UVSSA: variants seen among roughly 807,000 people sequenced by gnomAD.
UVSSA encodes UV stimulated scaffold protein A.
Under a neutral mutation model 73.9 loss-of-function variants are expected in UVSSA, and 72 were observed. That is an observed-to-expected ratio of 0.97 (90% CI 0.81 to 1.19). UVSSA has a LOEUF of 1.19. UVSSA is among the 50% of genes most tolerant of loss of function. The pLI, the probability that UVSSA is intolerant of heterozygous loss-of-function variation, is 0.00. For synonymous variants in UVSSA, 454 were observed against 391.3 expected, an observed-to-expected ratio of 1.16 and a Z score of -1.89; for missense variants, 1,150 against 965.0, an observed-to-expected ratio of 1.19 and a Z score of -2.54.
intron 8 of UVSSA, among the ~76,000 whole-genome samples, chr4:1,368,891 G>A (rs547843290): frequency 3.9e-5 from 6 of 152,362 alleles, no homozygotes; most frequent in South Asian, 4.1e-4. Context: ...TCCCCACAGC[G>A]CCCTCCTCTG....
intron 12 of UVSSA, among the ~76,000 whole-genome samples, chr4:1,381,191 C>T (rs60109494): frequency 0.049 from 7,439 of 152,262 alleles, 605 homozygotes; most frequent in African/African-American, 0.17. Context: ...AGAGGATGCT[C>T]CAGCTTTAGG....
chr4:1,395,154 A>G lies in UVSSA; in HGVS notation c.*9193A>G, dbSNP rs530190912. 411 of 1,260,882 alleles carry G rather than the reference A, an allele frequency of 3.3e-4. 118 individuals carry two copies. The highest frequency in any genetic ancestry group is 3.6e-4 in the Admixed American group (17 of 46,936). 78.1% of individuals were successfully genotyped at this position (1,260,882 alleles called of 1,614,324 possible). A position where few individuals can be genotyped will look rare whatever the true frequency, so the allele number is the denominator to read the frequency against. On this transcript the variant is annotated 3_prime_UTR_variant, in exon 14 of 14. Coordinates refer to the UVSSA transcript ENST00000511216. ...AGTGCCTGCCTGCTCACACGTGCCC[A>G]TGTGGAGTGTTCGCCTGCTCACACG...
intron 2 of UVSSA, among the ~76,000 whole-genome samples, chr4:1,348,947 G>A (rs1056352488): frequency 5.9e-5 from 9 of 152,060 alleles, no homozygotes; most frequent in African/African-American, 2.4e-5. Context: ...AACAGTGTGC[G>A]TGCTGGGCGG....
chr4:1,350,777 A>C (rs1714591596), intron 3 of UVSSA, among the ~76,000 whole-genome samples: 1 of 151,772 alleles, frequency 6.6e-6, no homozygotes, highest in Non-Finnish European at 1.5e-5. Flanking sequence ...AAAAAAAAAA[A>C]AAAAAACTAC....
chr4:1,384,206 T>G, intron 13 of UVSSA: 2 of 479,292 alleles, frequency 4.2e-6, no homozygotes, highest in Non-Finnish European at 7.5e-6. Flanking sequence ...CCATCCTCGC[T>G]TCCTGGGGGA....
chr4:1,369,313 G>A (rs1430740260), intron 8 of UVSSA, among the ~76,000 whole-genome samples: 4 of 152,354 alleles, frequency 2.6e-5, no homozygotes, highest in African/African-American at 9.6e-5. Context: ...CCTCTGGGGT[G>A]CGCAGGGAGG....
At chr4:1,349,492 G>T in intron 2 of UVSSA, 32 bp from the exon 3 acceptor site, 1 of 1,599,138 alleles carries the variant, frequency 6.3e-7, no homozygotes, top group Non-Finnish European at 8.5e-7. Context: ...CTGCGTGTGG[G>T]GCAGTTGGGT....
intron 7 of UVSSA, among the ~76,000 whole-genome samples, chr4:1,365,855 C>T (rs1162524522): frequency 6.6e-6 from 1 of 151,552 alleles, no homozygotes; most frequent in African/African-American, 2.4e-5. Flanking sequence ...GGGAAGATAA[C>T]TGCCCTAAGC....
At chr4:1,369,513 G>A (rs775630567) in intron 8 of UVSSA, among the ~76,000 whole-genome samples, 2 of 152,238 alleles carry the variant, frequency 1.3e-5, no homozygotes, top group Non-Finnish European at 2.9e-5. Flanking sequence ...TCCACACCAC[G>A]GAGGAAACCG....
At position 1,380,974 on chromosome 4, in the gene UVSSA, A is replaced by G. The variant is rs1719426109; in HGVS notation, c.1847A>G (p.Lys616Arg). 1.2e-6 allele frequency: 2 copies of G among 1,612,410 alleles called. No individual in the cohort carries two copies. Among genetic ancestry groups the G allele is most frequent in the African/African-American group, 2.7e-5 (2 of 74,942 alleles). The change falls in exon 12 of 14, where the codon AAG becomes AGG. Residue 616 changes from lysine (K) to arginine (R), a missense_variant. Lys to Arg is a conservative substitution (Grantham distance 26, BLOSUM62 2). Coordinates refer to ENST00000389851, the MANE Select transcript of UVSSA (RefSeq NM_020894.4). The stretch of plus-strand genomic sequence containing the variant: ...CGTGAGCAGCGGCGGCAGCTGCAGA[A>G]GCAGGAGCGCCCGGGTAGGTCTGGG... ...RAREQRRQLQKQERPEWQDPE... is the reference protein window; with the variant it reads ...RAREQRRQLQRQERPEWQDPE...
chr4:1,349,695 G>T lies in UVSSA; in HGVS notation c.270G>T (p.Thr90=), dbSNP rs747109076. The T allele has an allele frequency of 6.8e-6, 11 of 1,613,844 alleles. No individual in the cohort carries two copies. In the Admixed American group the frequency reaches 1.5e-4, roughly 22 times the overall value. The change falls in exon 3 of 14, where the codon ACG becomes ACT. Residue 90 remains threonine, a synonymous_variant. Coordinates refer to ENST00000389851, the MANE Select transcript of UVSSA (RefSeq NM_020894.4). ...ACTTCCAGGAGTTCCTGGAGCTCAC[G>T]CTGGGCACAGACCCCGCACAGCCTC... ...VSNFQEFLEL[T]LGTDPAQPLP... is the part of the protein sequence containing the mutation.
At chr4:1,376,562 C>T (rs868663670) in intron 10 of UVSSA, among the ~76,000 whole-genome samples, 12 of 152,188 alleles carry the variant, frequency 7.9e-5, no homozygotes, top group Admixed American at 1.3e-4. Flanking sequence ...TCACGGTGAC[C>T]GTGTGTCCAG....
Position 1,380,202 on chromosome 4 carries a change from G to A in UVSSA, c.1724G>A (p.Arg575Gln), listed in dbSNP as rs768606151. Residue 575 changes from arginine to glutamine, a missense_variant, in exon 11 of 14, where the codon CGG becomes CAG. By Grantham distance (43) the Arg-to-Gln change is conservative. Coordinates refer to ENST00000389851, the MANE Select transcript of UVSSA (RefSeq NM_020894.4). ...TGCCGTGCCCCGAGGCCAGACGGCC[G>A]GCTCTGTGAGCGCCAAGACCGGCTG... ...HWCRAPRPDGRLCERQDRLKC... is the reference protein window; with the variant it reads ...HWCRAPRPDGQLCERQDRLKC... 3.3e-5 allele frequency: 53 copies of A among 1,612,370 alleles called. 2 individuals are homozygous for A. The South Asian group carries it at 4.6e-4, about 14-fold the overall frequency.
At chr4:1,373,122 C>G (rs978264475) in intron 8 of UVSSA, among the ~76,000 whole-genome samples, 1 of 152,218 alleles carries the variant, frequency 6.6e-6, no homozygotes, top group African/African-American at 2.4e-5. Context: ...TTCAAAGTGA[C>G]CTTCTAAGAT....
At chr4:1,371,449 G>A (rs533179206) in intron 8 of UVSSA, among the ~76,000 whole-genome samples, 2 of 152,240 alleles carry the variant, frequency 1.3e-5, no homozygotes, top group South Asian at 2.1e-4. Context: ...GTTTTCTTTC[G>A]TCAGTTCCGC....
chr4:1,376,835 C>G (rs890253650), intron 10 of UVSSA, among the ~76,000 whole-genome samples: 1 of 152,170 alleles, frequency 6.6e-6, no homozygotes, highest in Admixed American at 6.5e-5. Flanking sequence ...GGACGGTTCT[C>G]CACACCCGGG....
In UVSSA at chr4:1,386,259, T is replaced by C; in HGVS notation, c.*298T>C. 1 of 364,762 alleles carries C rather than the reference T, an allele frequency of 2.7e-6. No homozygotes were observed. Among genetic ancestry groups the C allele is most frequent in the Non-Finnish European group, 5.2e-6 (1 of 192,234 alleles). 22.6% of individuals were successfully genotyped at this position (364,762 alleles called of 1,614,324 possible). A position where few individuals can be genotyped will look rare whatever the true frequency, so the allele number is the denominator to read the frequency against. On this transcript the variant is annotated 3_prime_UTR_variant, in exon 14 of 14. Transcript: ENST00000389851. ...GTCCTCGTGAGACCAGTGCTTGTCG[T>C]GGTGTGGGGTTCAGCACGGACGGAA...
At chr4:1,388,968 C>T, downstream of UVSSA, 1 of 152,100 alleles carries the variant, frequency 6.6e-6, no homozygotes, top group South Asian at 2.1e-4. Context: ...AGTGTTCCCT[C>T]CCCTCCTATT....
At chr4:1,351,937 G>A (rs1231119061) in intron 4 of UVSSA, 102 bp downstream of exon 4, 1 of 1,533,550 alleles carries the variant, frequency 6.5e-7, no homozygotes. Context: ...AAGGAACCCA[G>A]GTTTTGAGAC....
Sources: allele counts gnomAD v4.1 joint callset (sites outside exome capture counted in the v4.1 genomes callset), GRCh38; gene constraint gnomAD v4.1.1; transcripts MANE v1.5; gene names NCBI Gene and HGNC (gene_info 2026-07-23, HGNC 2026-07-21).